The following OR5V1 variants were observed in gnomAD, a reference collection of about 807,000 sequenced individuals.
OR5V1 encodes the protein olfactory receptor 5V1.
For synonymous variants in OR5V1, 134 were observed against 143.2 expected (o/e 0.94, Z 0.46); for missense variants, 365 against 371.5 (o/e 0.98, Z 0.14).
intron 1 of OR5V1, among the ~76,000 whole-genome samples, chr6:29,358,085 G>A (rs2151272404): frequency 6.6e-6 from 1 of 152,178 alleles, no homozygotes; most frequent in African/African-American, 2.4e-5. Flanking sequence ...TTTTAATGAA[G>A]GGAGAGGATA....
At chr6:29,357,934 G>C (rs1778391805) in intron 1 of OR5V1, among the ~76,000 whole-genome samples, 1 of 152,148 alleles carries the variant, frequency 6.6e-6, no homozygotes, top group African/African-American at 2.4e-5. Context: ...GATAATTGTT[G>C]TATATTCATT....
chr6:29,362,969 A>G (rs1297166831), intron 1 of OR5V1, among the ~76,000 whole-genome samples: 1 of 152,214 alleles, frequency 6.6e-6, no homozygotes, highest in Admixed American at 6.5e-5. Flanking sequence ...TGAAGGAGAT[A>G]GAGACACGAA....
chr6:29,359,906 T>C (rs1393959817), intron 1 of OR5V1, among the ~76,000 whole-genome samples: 1 of 152,124 alleles, frequency 6.6e-6, no homozygotes, highest in Non-Finnish European at 1.5e-5. Context: ...CAGTGGCACC[T>C]GGAACATCAA....
At chr6:29,365,039 G>A (rs922915546) in intron 1 of OR5V1, among the ~76,000 whole-genome samples, 1 of 151,950 alleles carries the variant, frequency 6.6e-6, no homozygotes, top group Non-Finnish European at 1.5e-5. Flanking sequence ...ACAAAAACAA[G>A]CAATGGGGAA....
intron 1 of OR5V1, among the ~76,000 whole-genome samples, chr6:29,359,531 A>G (rs1778468171): frequency 6.6e-6 from 1 of 152,194 alleles, no homozygotes. Flanking sequence ...AAGATGGCTG[A>G]ATAGGAACAG....
intron 1 of OR5V1, among the ~76,000 whole-genome samples, chr6:29,361,978 G>A (rs1483753720): frequency 6.6e-6 from 1 of 152,050 alleles, no homozygotes; most frequent in Non-Finnish European, 1.5e-5. Flanking sequence ...CCAATTAAAA[G>A]ACACAGACTG....
At position 29,354,516 on chromosome 6, in the gene OR5V1, G is replaced by GA. The variant is rs1475710144; in HGVS notation, c.*713dup. ...TGATTCTGTTTTCTAAATTTTTAGC[G>GA]AAAAAAGTTTCCCAAATTTAAGATA... is the stretch of plus-strand genomic sequence containing the variant. On this transcript the variant is annotated 3_prime_UTR_variant, in exon 2 of 2. Coordinates refer to ENST00000641768, the MANE Select transcript of OR5V1 (RefSeq NM_030876.6). 2 of 151,742 alleles carry GA rather than the reference G, an allele frequency of 1.3e-5. No homozygotes were observed. The highest frequency in any genetic ancestry group is 6.6e-5 in the Admixed American group (1 of 15,226). The allele number at this position is 151,742 out of a possible 1,614,324, so 9.4% of individuals were successfully genotyped here. A position where few individuals can be genotyped will look rare whatever the true frequency, so the allele number is the denominator to read the frequency against.
rs373735752 is a variant in OR5V1, at chr6:29,354,263, C to G, written c.*967G>C. On this transcript the variant is annotated 3_prime_UTR_variant, in exon 2 of 2. Coordinates refer to ENST00000641768, the MANE Select transcript of OR5V1 (RefSeq NM_030876.6). ...TAAGTCTCTTTATCTTTTAAATTTTCTCTCCAGTGTCTGTATTTATTTCTC... is the reference window on the plus strand; with the variant it reads ...TAAGTCTCTTTATCTTTTAAATTTTGTCTCCAGTGTCTGTATTTATTTCTC... The G allele has an allele frequency of 1.1e-4, 16 of 151,958 alleles. No homozygotes were observed. Among genetic ancestry groups the G allele is most frequent in the East Asian group, 7.7e-4 (4 of 5,182 alleles). The allele number at this position is 151,958 out of a possible 1,614,324, so 9.4% of individuals were successfully genotyped here.
rs1349431733 is a variant in OR5V1 at position 29,355,616 on chromosome 6, C to T, written c.580G>A (p.Val194Ile). 1 of 1,613,946 alleles carries T rather than the reference C, an allele frequency of 6.2e-7. No individual in the cohort carries two copies. The highest frequency in any genetic ancestry group is 1.1e-5 in the South Asian group (1 of 91,072). Reference protein sequence around the residue: ...LLILSCGNTSVNELALLSTGV... With the variant: ...LLILSCGNTSINELALLSTGV... ...GTGGATAGCAGTGCCAACTCATTGA[C>T]AGAAGTGTTTCCACAAGACAAGATC... The change falls in exon 2 of 2, where the codon GTC (valine) becomes ATC (isoleucine). Residue 194 changes from valine (V) to isoleucine (I), a missense_variant. Val to Ile is a conservative substitution (Grantham distance 29). Coordinates refer to ENST00000641768, the MANE Select transcript of OR5V1 (RefSeq NM_030876.6).
At chr6:29,366,230 TTGATCAG>T (rs1778847888) in intron 1 of OR5V1, among the ~76,000 whole-genome samples, 1 of 151,478 alleles carries the variant, frequency 6.6e-6, no homozygotes, top group Non-Finnish European at 1.5e-5. Flanking sequence ...AGATGACGTG[TTGATCAG>T]TGCAGCAAAC....
rs34270802 is a variant in OR5V1 at position 29,366,325 on chromosome 6, TAAA to T, written c.-83+2304_-83+2306del. On this transcript the variant is annotated intron_variant, in intron 1 of 1. Coordinates refer to ENST00000641768, the MANE Select transcript of OR5V1 (RefSeq NM_030876.6). ...TCCCTGAACTTAAAGTAAAGTATAT[TAAA>T]AAAAAAAAAAAAAAAAGGAAATCCA... Among the ~76,000 whole-genome samples the T allele has an allele frequency of 1.4e-4, 17 of 125,666 alleles. No individual in the cohort carries two copies. The East Asian group carries it at 3.0e-3, about 22-fold the overall frequency. The allele number at this position is 125,666 out of a possible 152,430, so 82.4% of individuals were successfully genotyped here. A position where few individuals can be genotyped will look rare whatever the true frequency, so the allele number is the denominator to read the frequency against.
chr6:29,359,736 C>G (rs1360130998), intron 1 of OR5V1, among the ~76,000 whole-genome samples: 1 of 152,178 alleles, frequency 6.6e-6, no homozygotes, highest in Non-Finnish European at 1.5e-5. Flanking sequence ...AGGGACTGTG[C>G]TATTCACCCA....
intron 1 of OR5V1, among the ~76,000 whole-genome samples, chr6:29,363,551 T>A (rs1269681943): frequency 1.3e-5 from 2 of 152,156 alleles, no homozygotes; most frequent in African/African-American, 4.8e-5. Flanking sequence ...AAATGCTCAA[T>A]AAACTACTGG....
chr6:29,366,742 T>C (rs956051116), intron 1 of OR5V1, among the ~76,000 whole-genome samples: 4 of 152,146 alleles, frequency 2.6e-5, no homozygotes, highest in African/African-American at 9.7e-5. Flanking sequence ...GCCAGACCAT[T>C]CCTCATGAGA....
intron 1 of OR5V1, among the ~76,000 whole-genome samples, chr6:29,359,381 T>A (rs9257777): frequency 0.018 from 2,771 of 152,162 alleles, 36 homozygotes; most frequent in East Asian, 0.032. Context: ...TGCAGTGGTG[T>A]TATTGGGTTT....
Position 29,355,826 on chromosome 6 carries a change from T to C in OR5V1, c.370A>G (p.Ile124Val). Residue 124 changes from isoleucine to valine, a missense_variant, in exon 2 of 2, where the codon ATT becomes GTT. Transcript: ENST00000641768. ...LLAAMAYDRY[I>V]AICNPLRYSV... ...TACCTTAAAGGATTGCAGATTGCAA[T>C]GTAACGATCATATGCCATTGCTGCC... The C allele has an allele frequency of 1.2e-6, 2 of 1,614,068 alleles. No individual in the cohort carries two copies. Among genetic ancestry groups the C allele is most frequent in the Non-Finnish European group, 1.7e-6 (2 of 1,179,970 alleles).
At chr6:29,364,518 G>GGCATCATGCTA (rs1197173298) in intron 1 of OR5V1, among the ~76,000 whole-genome samples, 12 of 26,996 alleles carry the variant, frequency 4.4e-4, no homozygotes, top group African/African-American at 1.0e-3. Flanking sequence ...ACAAAGCTGG[G>GGCATCATGCTA]CCGGGCGCGG....
At chr6:29,364,846 T>A (rs9257786) in intron 1 of OR5V1, among the ~76,000 whole-genome samples, 1 of 127,176 alleles carries the variant, frequency 7.9e-6, no homozygotes, top group African/African-American at 3.4e-5. Flanking sequence ...AGGCATCATG[T>A]TACCTGACTT....
chr6:29,356,249 A>G lies in OR5V1; in HGVS notation c.-54T>C. ...GGGCAAAGAGAAGACCAGATTATAA[A>G]AATGAATCATATGCTGCAATAGCAT... On this transcript the variant is annotated 5_prime_UTR_variant, in exon 2 of 2. Transcript: ENST00000641768. 1 of 1,520,462 alleles carries G rather than the reference A, an allele frequency of 6.6e-7. No homozygotes were observed. Among genetic ancestry groups the G allele is most frequent in the South Asian group, 1.4e-5 (1 of 73,672 alleles). 94.2% of individuals were successfully genotyped at this position (1,520,462 alleles called of 1,614,324 possible).
Sources: allele counts gnomAD v4.1 joint callset (sites outside exome capture counted in the v4.1 genomes callset), GRCh38; gene constraint gnomAD v4.1.1; transcripts MANE v1.5; gene names NCBI Gene and HGNC (gene_info 2026-07-23, HGNC 2026-07-21).